The following CNTN3 variants were observed in gnomAD, a reference collection of about 807,000 sequenced individuals.
CNTN3 encodes the protein contactin 3, also known as contactin-3.
Under a neutral mutation model 119.1 loss-of-function variants are expected in CNTN3, and 60 were observed. The observed-to-expected ratio is 0.50, with a 90% confidence interval of 0.41 to 0.62. CNTN3 has a LOEUF of 0.62. Ranked by LOEUF, CNTN3 falls within the 20% of genes least tolerant of loss-of-function variation. The pLI, the probability that CNTN3 is intolerant of heterozygous loss-of-function variation, is 0.00. For synonymous variants in CNTN3, 450 were observed against 438.7 expected (o/e 1.03, Z -0.32); for missense variants, 1,101 against 1,242.4 (o/e 0.89, Z 1.71).
Position 74,301,495 on chromosome 3 carries a change from G to C in CNTN3, c.1998C>G (p.Asn666Lys). The C allele has an allele frequency of 6.2e-7, 1 of 1,614,106 alleles. No individual in the cohort carries two copies. Among genetic ancestry groups the C allele is most frequent in the Non-Finnish European group, 8.5e-7 (1 of 1,180,008 alleles). The stretch of plus-strand genomic sequence containing the variant: ...CCCGAAATTCATATTCCACCCATGG[G>C]TTTAACTCAACTACAGTGGCTGTGT... ...KTHTATVVEL[N>K]PWVEYEFRVV... The change falls in exon 16 of 23, where the codon AAC (asparagine) becomes AAG (lysine). Residue 666 changes from asparagine (N) to lysine (K), a missense_variant. Transcript: ENST00000263665.
At chr3:74,484,638 T>C (rs936509922) in intron 4 of CNTN3, among the ~76,000 whole-genome samples, 2 of 152,158 alleles carry the variant, frequency 1.3e-5, no homozygotes, top group Non-Finnish European at 2.9e-5. Flanking sequence ...CTATATGTTT[T>C]AAACTAGAAA....
At chr3:74,294,522 G>C (rs1702296493) in intron 19 of CNTN3, among the ~76,000 whole-genome samples, 1 of 152,092 alleles carries the variant, frequency 6.6e-6, no homozygotes, top group Admixed American at 6.6e-5. Flanking sequence ...GTCCTGTTAA[G>C]CCTTACTACC....
At chr3:74,292,215 A>G (rs1162363967) in intron 19 of CNTN3, among the ~76,000 whole-genome samples, 1 of 152,192 alleles carries the variant, frequency 6.6e-6, no homozygotes, top group Non-Finnish European at 1.5e-5. Flanking sequence ...AGATACATTA[A>G]TATCTCAAAA....
rs1701614529 is a variant in CNTN3, at chr3:74,263,526, A to C, written c.*875T>G. 1 of 152,020 alleles carries C rather than the reference A, an allele frequency of 6.6e-6. No homozygotes were observed. The highest frequency in any genetic ancestry group is 6.6e-5 in the Admixed American group (1 of 15,248). The allele number at this position is 152,020 out of a possible 1,614,324, so 9.4% of individuals were successfully genotyped here. Reference sequence around the variant, plus strand: ...AACAATTCCTTTTTTAATTTAAAAAAACTTTTTTTTTTTGAGAAAGAATAA... The same window carrying C: ...AACAATTCCTTTTTTAATTTAAAAACACTTTTTTTTTTTGAGAAAGAATAA... On this transcript the variant is annotated 3_prime_UTR_variant, in exon 23 of 23. Coordinates refer to ENST00000263665, the MANE Select transcript of CNTN3 (RefSeq NM_020872.3).
chr3:74,391,154 C>A (rs1425167419), intron 5 of CNTN3, among the ~76,000 whole-genome samples: 1 of 152,134 alleles, frequency 6.6e-6, no homozygotes, highest in Middle Eastern at 3.2e-3. Context: ...CAAACAGGCT[C>A]CCCCAGGATC....
chr3:74,298,692 T>C (rs534332901), intron 17 of CNTN3, among the ~76,000 whole-genome samples: 7 of 150,906 alleles, frequency 4.6e-5, no homozygotes, highest in Non-Finnish European at 1.0e-4. Flanking sequence ...AGGTCAGGAG[T>C]TTGAGACCAG....
intron 13 of CNTN3, among the ~76,000 whole-genome samples, chr3:74,328,119 TA>T (rs1361573400): frequency 3.3e-5 from 5 of 152,010 alleles, no homozygotes; most frequent in Non-Finnish European, 7.4e-5. Flanking sequence ...TCTGTAGGAT[TA>T]TTTTTTTCAT....
intron 1 of CNTN3, among the ~76,000 whole-genome samples, chr3:74,608,669 A>C (rs1198723906): frequency 3.9e-5 from 6 of 152,124 alleles, no homozygotes; most frequent in Admixed American, 3.9e-4. Context: ...CACTAAAATA[A>C]ATTTTAGCCC....
chr3:74,285,234 TAA>T, intron 20 of CNTN3, 69 bp downstream of exon 20: 4 of 1,450,476 alleles, frequency 2.8e-6, no homozygotes, highest in Non-Finnish European at 3.7e-6. Context: ...CCATTTCAAA[TAA>T]TAGAGAAGGC....
At chr3:74,393,988 AT>A (rs1354618032) in intron 5 of CNTN3, among the ~76,000 whole-genome samples, 1 of 152,224 alleles carries the variant, frequency 6.6e-6, no homozygotes, top group Non-Finnish European at 1.5e-5. Flanking sequence ...AAGATGAGAT[AT>A]TAGGTAGAGG....
chr3:74,457,964 T>C (rs1190832363), intron 4 of CNTN3, among the ~76,000 whole-genome samples: 2 of 152,054 alleles, frequency 1.3e-5, no homozygotes, highest in Non-Finnish European at 2.9e-5. Flanking sequence ...GAGTTTACCC[T>C]GGCTTGACCA....
intron 1 of CNTN3, among the ~76,000 whole-genome samples, chr3:74,591,000 G>A (rs1704693376): frequency 1.3e-5 from 2 of 151,922 alleles, no homozygotes; most frequent in African/African-American, 4.8e-5. Context: ...ATATTTAGCT[G>A]ACTACTATCT....
At chr3:74,546,721 C>T (rs535798742) in intron 1 of CNTN3, among the ~76,000 whole-genome samples, 1 of 152,248 alleles carries the variant, frequency 6.6e-6, no homozygotes, top group African/African-American at 2.4e-5. Context: ...GGTTTTGGGA[C>T]TTGGACTGGC....
chr3:74,536,409 A>G (rs1703765993), intron 1 of CNTN3, among the ~76,000 whole-genome samples: 1 of 152,140 alleles, frequency 6.6e-6, no homozygotes, highest in Non-Finnish European at 1.5e-5. Flanking sequence ...TGAAAACACT[A>G]AAGTGAAACT....
At chr3:74,584,897 T>C (rs1293214497) in intron 1 of CNTN3, among the ~76,000 whole-genome samples, 3 of 152,164 alleles carry the variant, frequency 2.0e-5, no homozygotes, top group Non-Finnish European at 2.9e-5. Flanking sequence ...ACCCTGGCTC[T>C]TTCCATCTTC....
intron 1 of CNTN3, among the ~76,000 whole-genome samples, chr3:74,605,279 T>C (rs1375619455): frequency 1.3e-5 from 2 of 152,056 alleles, no homozygotes; most frequent in African/African-American, 2.4e-5. Context: ...ACTAAGAGAA[T>C]AGATTTTAAG....
At chr3:74,512,041 A>T (rs1323357671) in intron 2 of CNTN3, among the ~76,000 whole-genome samples, 1 of 152,182 alleles carries the variant, frequency 6.6e-6, no homozygotes, top group Non-Finnish European at 1.5e-5. Flanking sequence ...CTCTACTGTT[A>T]TATGGGAATG....
intron 1 of CNTN3, among the ~76,000 whole-genome samples, chr3:74,590,057 A>G (rs1310714287): frequency 1.3e-5 from 2 of 151,898 alleles, no homozygotes; most frequent in South Asian, 2.1e-4. Context: ...ATGTATACAT[A>G]TGTAACTAAC....
intron 1 of CNTN3, among the ~76,000 whole-genome samples, chr3:74,578,251 GA>G (rs1252689168): frequency 1.3e-5 from 2 of 151,788 alleles, no homozygotes; most frequent in South Asian, 2.1e-4. Flanking sequence ...AATACTACTG[GA>G]AAAAAATACA....
Sources: allele counts gnomAD v4.1 joint callset (sites outside exome capture counted in the v4.1 genomes callset), GRCh38; gene constraint gnomAD v4.1.1; transcripts MANE v1.5; gene names NCBI Gene and HGNC (gene_info 2026-07-23, HGNC 2026-07-21).